Variants in EMC10 observed in about 807,000 individuals in gnomAD.
EMC10 encodes ER membrane protein complex subunit 10, also known as UPF0510 protein INM02.
Under a neutral mutation model 32.2 loss-of-function variants are expected in EMC10, and 40 were observed. That is an observed-to-expected ratio of 1.24 (90% CI 0.96 to 1.61). The LOEUF is 1.61. EMC10 is among the 40% of genes most tolerant of loss of function. The pLI is 0.00. For synonymous variants in EMC10, 178 were observed against 158.4 expected, an observed-to-expected ratio of 1.12 and a Z score of -0.93; for missense variants, 402 against 357.7, an observed-to-expected ratio of 1.12 and a Z score of -1.00.
At position 50,480,862 on chromosome 19, in the gene EMC10, T is replaced by G; in HGVS notation, c.585-22T>G. On this transcript the variant is annotated intron_variant, in intron 5 of 6. Coordinates refer to ENST00000334976, the MANE Select transcript of EMC10 (RefSeq NM_206538.4). This position sits in a 1 kb window ranked among gnomAD's most constrained non-coding sequence, Gnocchi z 4.4. ...CCCTGGACTCCGGGCCTCACCCTTC[T>G]CCTCCTCTCCCCTTGCCCCAGCCCT... The G allele has an allele frequency of 1.3e-6, 2 of 1,587,400 alleles. No individual in the cohort carries two copies. The highest frequency in any genetic ancestry group is 1.7e-6 in the Non-Finnish European group (2 of 1,163,364).
chr19:50,482,345 A>G lies in EMC10; in HGVS notation c.*86A>G. On this transcript the variant is annotated 3_prime_UTR_variant, in exon 7 of 7. Coordinates refer to ENST00000334976, the MANE Select transcript of EMC10 (RefSeq NM_206538.4). ...CCCCTGTGTCCTCAGCCATCCCAAG[A>G]AGGGTTTGCTGGTCCCTCCTTTCCC... The G allele has an allele frequency of 1.5e-6, 1 of 658,532 alleles. No individual in the cohort carries two copies. The allele number at this position is 658,532 out of a possible 1,614,324, so 40.8% of individuals were successfully genotyped here.
At position 50,480,040 on chromosome 19, in the gene EMC10, C is replaced by G. The variant is rs1036943024; in HGVS notation, c.298-71C>G. On this transcript the variant is annotated intron_variant, in intron 3 of 6. Transcript: ENST00000334976. This position sits in a 1 kb window ranked among gnomAD's most constrained non-coding sequence, Gnocchi z 4.4. ...GCTGGAGAGGGGCCTTCGCGGAGGC[C>G]TGGTGGGCATCACAGCCTGTCCAGG... The G allele has an allele frequency of 2.4e-5, 31 of 1,302,446 alleles. No individual in the cohort carries two copies. In the Middle Eastern group the frequency reaches 5.8e-4, roughly 25 times the overall value. 80.7% of individuals were successfully genotyped at this position (1,302,446 alleles called of 1,614,324 possible).
At chr19:50,481,781 C>G (rs12609351) in intron 6 of EMC10, 1 of 1,290,878 alleles carries the variant, frequency 7.7e-7, no homozygotes, top group South Asian at 1.5e-5. Flanking sequence ...GCTGCCCACT[C>G]GAGCGCCCTC....
At position 50,480,763 on chromosome 19, in the gene EMC10, G is replaced by A; in HGVS notation, c.584+1G>A. The A allele has an allele frequency of 1.9e-6, 3 of 1,586,334 alleles. No homozygotes were observed. The highest frequency in any genetic ancestry group is 1.3e-5 in the African/African-American group (1 of 74,534). ...TGCAGCCGCCCACCACAGCCCCAGG[G>A]TGAGCCTCTGCTGCCTTCGCGGCGC... On this transcript the variant is annotated splice_donor_variant, in intron 5 of 6. Transcript: ENST00000334976. LOFTEE classifies it high-confidence loss of function. This position sits in a 1 kb window ranked among gnomAD's most constrained non-coding sequence, Gnocchi z 4.4.
Position 50,479,034 on chromosome 19 carries a change from C to T in EMC10, c.265C>T (p.Gln89Ter). 1 of 1,609,754 alleles carries T rather than the reference C, an allele frequency of 6.2e-7. No homozygotes were observed. The highest frequency in any genetic ancestry group is 8.5e-7 in the Non-Finnish European group (1 of 1,178,972). Residue 89 changes from glutamine (Q) to a stop codon, truncating the protein, a stop_gained, in exon 3 of 7, where the codon CAG becomes TAG. Transcript: ENST00000334976. LOFTEE classifies it high-confidence loss of function. ...TGGTACCTTGTCCCTGTCACAGCGG[C>T]AGCTCAGCGAGGAGGAGCGGGGCCG... ...QDGTLSLSQR[Q>*]LSEEERGRLR... is the part of the protein sequence containing the mutation.
Position 50,476,561 on chromosome 19 carries a change from C to G in EMC10, c.17C>G (p.Ala6Gly), listed in dbSNP as rs765134145. ...GAAGCCGAGATGGCGGCAGCCAGCGCTGGGGCAACCCGGCTGCTCCTGCTC... is the reference window on the plus strand; with the variant it reads ...GAAGCCGAGATGGCGGCAGCCAGCGGTGGGGCAACCCGGCTGCTCCTGCTC... MAAAS[A>G]GATRLLLLLL... The change falls in exon 1 of 7, where the codon GCT becomes GGT. Residue 6 changes from alanine (A) to glycine (G), a missense_variant. Transcript: ENST00000334976. 2 of 1,575,082 alleles carry G rather than the reference C, an allele frequency of 1.3e-6. No individual in the cohort carries two copies. The highest frequency in any genetic ancestry group is 4.7e-5 in the East Asian group (2 of 42,888).
At chr19:50,477,483 A>G (rs2040246424) in intron 1 of EMC10, among the ~76,000 whole-genome samples, 1 of 152,204 alleles carries the variant, frequency 6.6e-6, no homozygotes, top group South Asian at 2.1e-4. Context: ...GTGAGTATGC[A>G]AGTTTGGAGG....
In EMC10 at chr19:50,476,539, G is replaced by A. The variant is rs150737582; in HGVS notation, c.-6G>A. On this transcript the variant is annotated 5_prime_UTR_variant, in exon 1 of 7. Transcript: ENST00000334976. The stretch of plus-strand genomic sequence containing the variant: ...GCCGTCCCTTCGCTGGTGGGAAGAA[G>A]CCGAGATGGCGGCAGCCAGCGCTGG... 3 of 1,571,376 alleles carry A rather than the reference G, an allele frequency of 1.9e-6. No homozygotes were observed. The highest frequency in any genetic ancestry group is 1.4e-5 in the African/African-American group (1 of 73,860).
rs1397132390 is a variant in EMC10, at chr19:50,490,759, C to T, written c.*8500C>T. The T allele has an allele frequency of 6.6e-6, 1 of 152,202 alleles. No homozygotes were observed. The highest frequency in any genetic ancestry group is 1.5e-5 in the Non-Finnish European group (1 of 68,060). The allele number at this position is 152,202 out of a possible 1,614,324, so 9.4% of individuals were successfully genotyped here. Reference sequence around the variant, plus strand: ...GAAGGGAAAGACAATGAGCAAGAGCCAGCGGGACGGTGGGGCGGATGGCAG... The same window carrying T: ...GAAGGGAAAGACAATGAGCAAGAGCTAGCGGGACGGTGGGGCGGATGGCAG... On this transcript the variant is annotated 3_prime_UTR_variant, in exon 7 of 7. Transcript: ENST00000334976.
chr19:50,479,851 C>T (rs1957797072), intron 3 of EMC10, among the ~76,000 whole-genome samples: 1 of 152,270 alleles, frequency 6.6e-6, no homozygotes, highest in African/African-American at 2.4e-5. Context: ...GGACCCACTC[C>T]ATCGCTGGGC....
At position 50,480,871 on chromosome 19, in the gene EMC10, C is replaced by A. The variant is rs1369087143; in HGVS notation, c.585-13C>A. ...CCGGGCCTCACCCTTCTCCTCCTCT[C>A]CCCTTGCCCCAGCCCTGAGACGGCG... On this transcript the variant is annotated splice_polypyrimidine_tract_variant and intron_variant, in intron 5 of 6. Coordinates refer to ENST00000334976, the MANE Select transcript of EMC10 (RefSeq NM_206538.4). This position sits in a 1 kb window ranked among gnomAD's most constrained non-coding sequence, Gnocchi z 4.4. 6.3e-7 allele frequency: 1 copy of A among 1,595,856 alleles called. No individual in the cohort carries two copies. The highest frequency in any genetic ancestry group is 1.1e-5 in the South Asian group (1 of 89,472).
intron 3 of EMC10, among the ~76,000 whole-genome samples, chr19:50,479,629 C>T (rs1236808599): frequency 1.3e-5 from 2 of 152,234 alleles, no homozygotes; most frequent in Non-Finnish European, 2.9e-5. Flanking sequence ...ACCCATCAGC[C>T]AGATGTAGCT....
At chr19:50,479,430 T>A (rs1350190828) in intron 3 of EMC10, among the ~76,000 whole-genome samples, 2 of 152,132 alleles carry the variant, frequency 1.3e-5, no homozygotes, top group African/African-American at 4.8e-5. Context: ...TCAAAATAGC[T>A]ATGGTTGGAC....
Position 50,484,018 on chromosome 19 carries a change from C to CTTTTTTTTTTTTTTTTTTTTTTTTTTTT in EMC10, c.*1786_*1787insTTTTTTTTTTTTTTTTTTTTTTTTTTTT. 1 of 50,772 alleles carries CTTTTTTTTTTTTTTTTTTTTTTTTTTTT rather than the reference C, an allele frequency of 2.0e-5. No individual in the cohort carries two copies. The highest frequency in any genetic ancestry group is 3.3e-5 in the Non-Finnish European group (1 of 30,322). The allele number at this position is 50,772 out of a possible 1,614,324, so 3.1% of individuals were successfully genotyped here. On this transcript the variant is annotated 3_prime_UTR_variant, in exon 7 of 7. Coordinates refer to ENST00000334976, the MANE Select transcript of EMC10 (RefSeq NM_206538.4). Reference sequence around the variant, plus strand: ...AGGATTCCAGAAATATTTACTAATGCTTTTTTTTTTTTTTTTTTTTTTTTT... The same window carrying CTTTTTTTTTTTTTTTTTTTTTTTTTTTT: ...AGGATTCCAGAAATATTTACTAATGCTTTTTTTTTTTTTTTTTTTTTTTTTTTTTTTTTTTTTTTTTTTTTTTTTTTTT...
chr19:50,485,192 G>C lies in EMC10; in HGVS notation c.*2933G>C, dbSNP rs1418434410. On this transcript the variant is annotated 3_prime_UTR_variant, in exon 7 of 7. Coordinates refer to ENST00000334976, the MANE Select transcript of EMC10 (RefSeq NM_206538.4). ...TATGTGTCTGTGGAAGACATGGCCC[G>C]GTGGGGCCCCACCTTGCTGGGGGAG... 1 of 152,190 alleles carries C rather than the reference G, an allele frequency of 6.6e-6. No individual in the cohort carries two copies. The allele number at this position is 152,190 out of a possible 1,614,324, so 9.4% of individuals were successfully genotyped here. A position where few individuals can be genotyped will look rare whatever the true frequency, so the allele number is the denominator to read the frequency against.
Position 50,482,062 on chromosome 19 carries a change from A to T in EMC10, c.679-87A>T. 3.5e-6 allele frequency: 5 copies of T among 1,440,052 alleles called. No individual in the cohort carries two copies. In the South Asian group the frequency reaches 5.7e-5, roughly 16 times the overall value. 89.2% of individuals were successfully genotyped at this position (1,440,052 alleles called of 1,614,324 possible). ...GCGACCTCCCCTCATGCCGGTCCCC[A>T]CCGTGGGTGGGTGATGCCCACACTC... is the stretch of plus-strand genomic sequence containing the variant. On this transcript the variant is annotated intron_variant, in intron 6 of 6. Coordinates refer to ENST00000334976, the MANE Select transcript of EMC10 (RefSeq NM_206538.4).
chr19:50,476,897 G>A, intron 1 of EMC10: 2 of 402,544 alleles, frequency 5.0e-6, no homozygotes, highest in South Asian at 6.1e-5. Context: ...TCGGGAATAT[G>A]TATGAGGGGG....
intron 6 of EMC10, 119 bp from the exon 7 acceptor site, chr19:50,482,030 C>CCTGA: frequency 6.4e-7 from 1 of 1,550,590 alleles, no homozygotes; most frequent in Non-Finnish European, 8.9e-7. Flanking sequence ...GGGCGCCCTC[C>CCTGA]CCTTACGCGA....
rs2040366728 is a variant in EMC10, at chr19:50,484,329, A to G, written c.*2070A>G. ...AGGCATGAGCCACTGCGCCAGGCCT[A>G]CTGATGCTTTTTGGGAAGTGTTCCC... On this transcript the variant is annotated 3_prime_UTR_variant, in exon 7 of 7. Transcript: ENST00000334976. 1 of 152,208 alleles carries G rather than the reference A, an allele frequency of 6.6e-6. No homozygotes were observed. Among genetic ancestry groups the G allele is most frequent in the Non-Finnish European group, 1.5e-5 (1 of 68,072 alleles). The allele number at this position is 152,208 out of a possible 1,614,324, so 9.4% of individuals were successfully genotyped here.
Sources: gnomAD v4.1 joint callset for allele counts (sites outside exome capture counted in the v4.1 genomes callset) on GRCh38, gnomAD v4.1.1 for gene constraint, Gnocchi (gnomAD v3.1) non-coding constraint, MANE v1.5 for transcripts, NCBI Gene and HGNC (gene_info 2026-07-23, HGNC 2026-07-21) for gene names.